GAS7: variants seen among roughly 807,000 people sequenced by gnomAD.
GAS7 encodes growth arrest-specific protein 7.
In GAS7, 28 loss-of-function variants were observed where a neutral mutation model predicts 71.1. The observed-to-expected ratio is 0.39, with a 90% CI of 0.29 to 0.54. The LOEUF (loss-of-function observed/expected upper bound fraction) is 0.54, where lower values mean the gene tolerates loss of function less well. GAS7 is among the 20% of genes least tolerant of loss of function. The pLI is 0.62. For synonymous variants in GAS7, 258 were observed against 245.8 expected (o/e 1.05, Z -0.46); for missense variants, 436 against 627.8 (o/e 0.69, Z 3.27).
intron 5 of GAS7, among the ~76,000 whole-genome samples, chr17:9,947,803 C>A: frequency 6.9e-6 from 1 of 144,126 alleles, no homozygotes; most frequent in African/African-American, 2.6e-5. Flanking sequence ...GAAAATGTGC[C>A]AGGATATATG....
chr17:10,147,691 G>C (rs1393891339), intron 1 of GAS7, among the ~76,000 whole-genome samples: 1 of 152,140 alleles, frequency 6.6e-6, no homozygotes, highest in Admixed American at 6.6e-5. Flanking sequence ...ACACGTGTTG[G>C]GATCAAGGGT....
Position 9,943,142 on chromosome 17 carries a change from A to G in GAS7, c.710T>C (p.Met237Thr). The change falls in exon 7 of 14, where the codon ATG becomes ACG. Residue 237 changes from methionine to threonine, a missense_variant. Physicochemically the swap from Met to Thr is moderately conservative, Grantham distance 81. Coordinates refer to ENST00000432992, the MANE Select transcript of GAS7 (RefSeq NM_201433.2). ...TCACCTTTCCCGGATGAATTCTGAC[A>G]TTTCCTTCTGCATTTGTTTGCCCTT... ...QLKGKQMQKE[M>T]SEFIRERIKI... 1 of 1,610,588 alleles carries G rather than the reference A, an allele frequency of 6.2e-7. No individual in the cohort carries two copies. The highest frequency in any genetic ancestry group is 8.5e-7 in the Non-Finnish European group (1 of 1,176,798).
chr17:10,160,141 A>T (rs2074240520), intron 1 of GAS7, among the ~76,000 whole-genome samples: 1 of 152,130 alleles, frequency 6.6e-6, no homozygotes, highest in Non-Finnish European at 1.5e-5. Flanking sequence ...CCTGAGCTCA[A>T]GCGATCCACC....
chr17:10,017,138 AAATAAAT>A (rs2072063383), intron 2 of GAS7, among the ~76,000 whole-genome samples: 3 of 105,104 alleles, frequency 2.9e-5, no homozygotes, highest in South Asian at 2.9e-4. Flanking sequence ...CTAAAAAAAT[AAATAAAT>A]AAATAAATAA....
chr17:10,182,312 A>C (rs1278326134), intron 1 of GAS7, among the ~76,000 whole-genome samples: 1 of 151,824 alleles, frequency 6.6e-6, no homozygotes, highest in Non-Finnish European at 1.5e-5. Context: ...GGCGCCCACC[A>C]CCACGCTCGG....
intron 1 of GAS7, among the ~76,000 whole-genome samples, chr17:10,099,396 G>A (rs908696032): frequency 2.0e-5 from 3 of 152,180 alleles, no homozygotes; most frequent in Admixed American, 6.5e-5. Context: ...AGCAGGCAGG[G>A]ACTTTGCAAA....
chr17:10,073,649 A>G (rs1449798211), intron 1 of GAS7, among the ~76,000 whole-genome samples: 1 of 152,200 alleles, frequency 6.6e-6, no homozygotes, highest in Non-Finnish European at 1.5e-5. Context: ...TTAACGTTTG[A>G]GCAGCACTAA....
chr17:9,947,025 T>C (rs2068813425), intron 5 of GAS7, 42 bp from the exon 6 acceptor site: 6 of 1,384,850 alleles, frequency 4.3e-6, no homozygotes, highest in South Asian at 3.5e-5. Context: ...CGCTGGAGAC[T>C]GGAATAGCGA....
At chr17:10,043,571 T>C (rs896750834) in intron 1 of GAS7, among the ~76,000 whole-genome samples, 1 of 152,192 alleles carries the variant, frequency 6.6e-6, no homozygotes, top group African/African-American at 2.4e-5. Flanking sequence ...ATGTTATCCA[T>C]ATTACAGACT....
chr17:10,105,623 G>A (rs2073749451), intron 1 of GAS7, among the ~76,000 whole-genome samples: 1 of 152,096 alleles, frequency 6.6e-6, no homozygotes, highest in Non-Finnish European at 1.5e-5. Flanking sequence ...GCTGCTTCTT[G>A]TCATCCAGAC....
chr17:10,045,154 T>C, intron 1 of GAS7, among the ~76,000 whole-genome samples: 1 of 150,156 alleles, frequency 6.7e-6, no homozygotes, highest in Admixed American at 6.6e-5. Flanking sequence ...GAGTGATGGG[T>C]GTAGACTTGG....
chr17:10,113,735 C>A (rs934855662), intron 1 of GAS7, among the ~76,000 whole-genome samples: 3 of 152,252 alleles, frequency 2.0e-5, no homozygotes, highest in African/African-American at 7.2e-5. Flanking sequence ...AGAAACTGAT[C>A]ACTTGTTTGC....
In GAS7 at chr17:9,912,602, T is replaced by C. The variant is rs773821282; in HGVS notation, c.*4626A>G. ...AGGTTGCAGCAGACGTGAGCAGCAA[T>C]TGAGCACCCATCCGTCCCTTCCCCT... On this transcript the variant is annotated 3_prime_UTR_variant, in exon 14 of 14. Coordinates refer to ENST00000432992, the MANE Select transcript of GAS7 (RefSeq NM_201433.2). 1.7e-5 allele frequency: 4 copies of C among 232,836 alleles called. No individual in the cohort carries two copies. Among genetic ancestry groups the C allele is most frequent in the Non-Finnish European group, 3.4e-5 (4 of 117,890 alleles). 14.4% of individuals were successfully genotyped at this position (232,836 alleles called of 1,614,324 possible).
At chr17:9,952,834 G>T (rs2069076195) in intron 5 of GAS7, among the ~76,000 whole-genome samples, 1 of 152,074 alleles carries the variant, frequency 6.6e-6, no homozygotes, top group African/African-American at 2.4e-5. Flanking sequence ...TAATTAAAAA[G>T]GTCAAAAAAT....
intron 3 of GAS7, among the ~76,000 whole-genome samples, chr17:9,976,662 A>G (rs17747162): frequency 0.4 from 60,795 of 152,056 alleles, 14,078 homozygotes; most frequent in African/African-American, 0.65. Context: ...CCTTTAATCT[A>G]GGTTCCCTGA....
chr17:10,161,668 A>C (rs1281503262), intron 1 of GAS7, among the ~76,000 whole-genome samples: 4 of 152,206 alleles, frequency 2.6e-5, no homozygotes, highest in Admixed American at 6.5e-5. Flanking sequence ...GTCATTAACT[A>C]TTACATTTAA....
chr17:9,938,115 T>A (rs1307845474), intron 8 of GAS7, among the ~76,000 whole-genome samples: 1 of 152,152 alleles, frequency 6.6e-6, no homozygotes, highest in Admixed American at 6.5e-5. Context: ...TAACCCACAA[T>A]GTGGCTGCAT....
At chr17:10,190,355 C>A (rs1425637406) in intron 1 of GAS7, among the ~76,000 whole-genome samples, 1 of 152,052 alleles carries the variant, frequency 6.6e-6, no homozygotes, top group Admixed American at 6.6e-5. Context: ...GAGGCCAAGG[C>A]GGGCGGATCA....
At chr17:10,002,559 C>T (rs1163949739) in intron 2 of GAS7, among the ~76,000 whole-genome samples, 1 of 152,110 alleles carries the variant, frequency 6.6e-6, no homozygotes, top group African/African-American at 2.4e-5. Context: ...ATCCCTCCCC[C>T]GTCCCCCCAT....
Sources: gnomAD v4.1 joint callset for allele counts (sites outside exome capture counted in the v4.1 genomes callset) on GRCh38, gnomAD v4.1.1 for gene constraint, MANE v1.5 for transcripts, NCBI Gene and HGNC (gene_info 2026-07-23, HGNC 2026-07-21) for gene names.